Variants in PTPRO observed in about 807,000 individuals in gnomAD.
PTPRO encodes the protein protein tyrosine phosphatase receptor type O.
A neutral mutation model predicts 145.2 loss-of-function variants in PTPRO; 62 were observed. That is an observed-to-expected ratio of 0.43 (90% confidence interval 0.35 to 0.53). The LOEUF (loss-of-function observed/expected upper bound fraction) is 0.53, where lower values mean the gene tolerates loss of function less well. Among genes scored for constraint, PTPRO ranks in the 20% least tolerant of loss-of-function variants. The pLI is 0.01. For missense variants in PTPRO, 1,345 were observed against 1,482.7 expected (o/e 0.91, Z 1.53); for synonymous variants, 565 against 514.7 (o/e 1.10, Z -1.32).
chr12:15,526,243 G>T lies in PTPRO; in HGVS notation c.2145G>T (p.Met715Ile), dbSNP rs1309582463. Residue 715 changes from methionine to isoleucine, a missense_variant, in exon 12 of 27, where the codon ATG becomes ATT. Physicochemically the swap from Met to Ile is conservative, Grantham distance 10. Around this residue, in one of 3 missense-constraint regions of PTPRO, gnomAD observed 1,130 missense variants for 1,214.7 expected, o/e 0.93. Coordinates refer to ENST00000281171, the MANE Select transcript of PTPRO (RefSeq NM_030667.3). ...ACTERGSNTS[M>I]LRLVKLEPAP... ...CTGAAAGAGGAAGTAATACCTCCATGCTCCGCCTTGTCAAGCTAGGTAAGA... is the reference window on the plus strand; with the variant it reads ...CTGAAAGAGGAAGTAATACCTCCATTCTCCGCCTTGTCAAGCTAGGTAAGA... 1.2e-6 allele frequency: 2 copies of T among 1,613,952 alleles called. No homozygotes were observed. Among genetic ancestry groups the T allele is most frequent in the South Asian group, 2.2e-5 (2 of 91,082 alleles).
chr12:15,398,263 C>T (rs1591775130), intron 1 of PTPRO, among the ~76,000 whole-genome samples: 4 of 151,984 alleles, frequency 2.6e-5, no homozygotes, highest in South Asian at 4.2e-4. Flanking sequence ...TTTGAATGTT[C>T]GAAACAATCT....
chr12:15,546,761 A>T, intron 13 of PTPRO, 53 bp downstream of exon 13: 1 of 1,597,280 alleles, frequency 6.3e-7, no homozygotes, highest in Non-Finnish European at 8.6e-7. Context: ...AAGGCTAATT[A>T]TCTGGGCAAA....
At chr12:15,516,055 A>ATCTCAGT (rs1555171909) in intron 8 of PTPRO, among the ~76,000 whole-genome samples, 2 of 145,128 alleles carry the variant, frequency 1.4e-5, no homozygotes, top group Non-Finnish European at 3.0e-5. Flanking sequence ...CAGTGGTGCA[A>ATCTCAGT]TCTCAGTTCC....
intron 1 of PTPRO, among the ~76,000 whole-genome samples, chr12:15,454,523 C>T (rs1013708684): frequency 6.6e-6 from 1 of 152,162 alleles, no homozygotes; most frequent in Non-Finnish European, 1.5e-5. Context: ...AGATCGTCTT[C>T]TCACTATAAT....
At chr12:15,503,245 T>C (rs1942256533) in intron 5 of PTPRO, among the ~76,000 whole-genome samples, 1 of 152,166 alleles carries the variant, frequency 6.6e-6, no homozygotes, top group Non-Finnish European at 1.5e-5. Flanking sequence ...TGACTCAGTG[T>C]CTTCTTTTGA....
intron 1 of PTPRO, among the ~76,000 whole-genome samples, chr12:15,419,983 T>C (rs1467663106): frequency 1.3e-5 from 2 of 151,002 alleles, no homozygotes; most frequent in African/African-American, 2.5e-5. Flanking sequence ...CCGTCTCTAC[T>C]AAAAATACAA....
chr12:15,482,144 G>GGTGTGT (rs57202820), intron 1 of PTPRO, among the ~76,000 whole-genome samples: 21 of 148,312 alleles, frequency 1.4e-4, no homozygotes, highest in South Asian at 4.3e-4. Flanking sequence ...AAGAAAATAT[G>GGTGTGT]GTGTGTGTGT....
chr12:15,369,734 T>C (rs1565590738), intron 1 of PTPRO, among the ~76,000 whole-genome samples: 1 of 152,144 alleles, frequency 6.6e-6, no homozygotes, highest in Non-Finnish European at 1.5e-5. Context: ...AAATGAAAAC[T>C]GAGGCATATC....
At chr12:15,467,527 C>A (rs1941444281) in intron 1 of PTPRO, among the ~76,000 whole-genome samples, 1 of 151,908 alleles carries the variant, frequency 6.6e-6, no homozygotes, top group South Asian at 2.1e-4. Context: ...AAATTCCCCC[C>A]AATACCACCC....
intron 1 of PTPRO, among the ~76,000 whole-genome samples, chr12:15,473,756 G>C (rs934574877): frequency 6.6e-5 from 7 of 106,424 alleles, no homozygotes; most frequent in Admixed American, 2.8e-4. Flanking sequence ...AACAGAGTGA[G>C]AGACTCCATC....
chr12:15,483,252 G>A (rs889472531), intron 1 of PTPRO, among the ~76,000 whole-genome samples: 3 of 152,192 alleles, frequency 2.0e-5, no homozygotes. Flanking sequence ...AATCAGGGAG[G>A]AATATTTAAA....
chr12:15,551,606 A>G lies in PTPRO; in HGVS notation c.2493A>G (p.Thr831=), dbSNP rs1387367166. The change falls in exon 15 of 27, where the codon ACA becomes ACG. Residue 831 remains threonine, a synonymous_variant. Transcript: ENST00000281171. ...VVISVLAILS[T]LLIGLLLVTL... ...TCTCCGTGCTGGCCATCCTTAGCAC[A>G]CTTTTAATTGGACTGTTGCTTGTTA... 6.2e-7 allele frequency: 1 copy of G among 1,613,686 alleles called. No homozygotes were observed.
Position 15,504,050 on chromosome 12 carries a change from A to C in PTPRO, c.1248A>C (p.Lys416Asn). 2 of 1,612,934 alleles carry C rather than the reference A, an allele frequency of 1.2e-6. No homozygotes were observed. The highest frequency in any genetic ancestry group is 1.7e-6 in the Non-Finnish European group (2 of 1,179,064). Residue 416 changes from lysine to asparagine, a missense_variant, in exon 6 of 27, where the codon AAA becomes AAC. Physicochemically the swap from Lys to Asn is moderately conservative, Grantham distance 94 (BLOSUM62 0). Transcript: ENST00000281171. ...SCETRKSQSA[K>N]SLSFYISPSG... ...AAACTCGAAAAAGTCAGTCAGCAAAATCACTCAGCTTTTATATCAGTAAGT... is the reference window on the plus strand; with the variant it reads ...AAACTCGAAAAAGTCAGTCAGCAAACTCACTCAGCTTTTATATCAGTAAGT...
At chr12:15,460,568 A>G (rs947303411) in intron 1 of PTPRO, among the ~76,000 whole-genome samples, 2 of 152,204 alleles carry the variant, frequency 1.3e-5, no homozygotes, top group African/African-American at 4.8e-5. Context: ...AAGTCCAGCA[A>G]TTCATCTAAA....
chr12:15,587,790 C>T (rs1055761686), intron 24 of PTPRO, among the ~76,000 whole-genome samples: 8 of 152,170 alleles, frequency 5.3e-5, no homozygotes, highest in African/African-American at 1.4e-4. Flanking sequence ...CATAAACGTG[C>T]TCCAATGGCA....
intron 1 of PTPRO, among the ~76,000 whole-genome samples, chr12:15,394,507 C>G (rs1009821438): frequency 2.6e-5 from 4 of 152,066 alleles, no homozygotes; most frequent in African/African-American, 7.2e-5. Context: ...TTTTAGAGTT[C>G]ATTGTCATAT....
chr12:15,437,880 G>T (rs959892400), intron 1 of PTPRO, among the ~76,000 whole-genome samples: 14 of 152,146 alleles, frequency 9.2e-5, no homozygotes, highest in African/African-American at 3.1e-4. Flanking sequence ...TGCCCAACTG[G>T]TCCCACCCTT....
intron 12 of PTPRO, 124 bp from the exon 13 acceptor site, chr12:15,546,445 A>G: frequency 6.7e-7 from 1 of 1,500,894 alleles, no homozygotes; most frequent in Non-Finnish European, 8.9e-7. Flanking sequence ...AGGCAATATA[A>G]AGTCTTTATG....
intron 23 of PTPRO, among the ~76,000 whole-genome samples, chr12:15,584,772 T>C (rs545893204): frequency 6.6e-6 from 1 of 152,238 alleles, no homozygotes; most frequent in Non-Finnish European, 1.5e-5. Context: ...CTTTATCCAT[T>C]CCATATTGAT....
Sources: gnomAD v4.1 joint callset for allele counts (sites outside exome capture counted in the v4.1 genomes callset) on GRCh38, gnomAD v4.1.1 for gene constraint, gnomAD v4.1.1 regional missense constraint, MANE v1.5 for transcripts, NCBI Gene and HGNC (gene_info 2026-07-23, HGNC 2026-07-21) for gene names.